CNKSR3: variants seen among roughly 807,000 people sequenced by gnomAD.
CNKSR3 encodes CNKSR family member 3, also known as connector enhancer of kinase suppressor of ras 3.
CNKSR3 carries 36 observed loss-of-function variants against 67.7 expected under a neutral mutation model. That is an observed-to-expected ratio of 0.53 (90% CI 0.41 to 0.70). CNKSR3 has a LOEUF of 0.70. Ranked by LOEUF, CNKSR3 falls within the 30% of genes least tolerant of loss-of-function variation. The pLI is 0.00. For missense variants in CNKSR3, 630 were observed against 695.2 expected (o/e 0.91, Z 1.05); for synonymous variants, 281 against 271.4 (o/e 1.04, Z -0.35).
chr6:154,448,434 C>CA (rs56872694), intron 2 of CNKSR3, among the ~76,000 whole-genome samples: 91,811 of 121,582 alleles, frequency 0.76, 33,736 homozygotes, highest in Admixed American at 0.8. Flanking sequence ...CACGTTTGTA[C>CA]AAAAAAAAAA....
At chr6:154,465,140 C>CAAA (rs59986165) in intron 1 of CNKSR3, among the ~76,000 whole-genome samples, 14 of 69,048 alleles carry the variant, frequency 2.0e-4, no homozygotes, top group African/African-American at 3.9e-4. Flanking sequence ...GATTCTGTCT[C>CAAA]AAAAAAAAAA....
chr6:154,432,987 G>A (rs979806936), intron 5 of CNKSR3, among the ~76,000 whole-genome samples: 8 of 152,294 alleles, frequency 5.3e-5, no homozygotes, highest in Non-Finnish European at 1.2e-4. Flanking sequence ...AACATCAGTA[G>A]GAGGAAGGCC....
intron 1 of CNKSR3, among the ~76,000 whole-genome samples, chr6:154,505,752 G>A (rs1010926615): frequency 3.4e-5 from 5 of 148,422 alleles, no homozygotes; most frequent in African/African-American, 4.9e-5. Flanking sequence ...CGCCCACCTC[G>A]GCCTCCCAAA....
chr6:154,403,504 T>G lies in CNKSR3; in HGVS notation c.*2850A>C, dbSNP rs1191958507. 1 of 152,154 alleles carries G rather than the reference T, an allele frequency of 6.6e-6. No individual in the cohort carries two copies. The highest frequency in any genetic ancestry group is 1.5e-5 in the Non-Finnish European group (1 of 68,038). The allele number at this position is 152,154 out of a possible 1,614,324, so 9.4% of individuals were successfully genotyped here. On this transcript the variant is annotated 3_prime_UTR_variant, in exon 13 of 13. Coordinates refer to ENST00000607772, the MANE Select transcript of CNKSR3 (RefSeq NM_173515.4). Reference sequence around the variant, plus strand: ...TCATATGTGAACACACGTCCACAATTAAACCTGGATTACTACTGAGGCAAG... The same window carrying G: ...TCATATGTGAACACACGTCCACAATGAAACCTGGATTACTACTGAGGCAAG...
chr6:154,502,534 C>T (rs2114661071), intron 1 of CNKSR3, among the ~76,000 whole-genome samples: 1 of 152,200 alleles, frequency 6.6e-6, no homozygotes, highest in East Asian at 1.9e-4. Context: ...TAGAAGGCAC[C>T]ACCTGGATAG....
intron 3 of CNKSR3, 102 bp downstream of exon 3, chr6:154,441,986 G>T: frequency 8.8e-7 from 1 of 1,130,146 alleles, no homozygotes; most frequent in East Asian, 2.5e-5. Flanking sequence ...AAAATGATAT[G>T]AAAAGAACAA....
At chr6:154,501,681 C>T (rs1307536624) in intron 1 of CNKSR3, among the ~76,000 whole-genome samples, 1 of 152,108 alleles carries the variant, frequency 6.6e-6, no homozygotes, top group Non-Finnish European at 1.5e-5. Context: ...AAGGAGTCCC[C>T]CACCCAGTCC....
At chr6:154,470,186 TC>T (rs781171856) in intron 1 of CNKSR3, among the ~76,000 whole-genome samples, 1 of 103,596 alleles carries the variant, frequency 9.7e-6, no homozygotes, top group African/African-American at 4.3e-5. Flanking sequence ...CTACTTTCTT[TC>T]CTTTTTTTTT....
At position 154,402,288 on chromosome 6, in the gene CNKSR3, T is replaced by A. The variant is rs932537994; in HGVS notation, c.*4066A>T. 1 of 152,252 alleles carries A rather than the reference T, an allele frequency of 6.6e-6. No homozygotes were observed. Among genetic ancestry groups the A allele is most frequent in the Non-Finnish European group, 1.5e-5 (1 of 68,054 alleles). 9.4% of individuals were successfully genotyped at this position (152,252 alleles called of 1,614,324 possible). A position where few individuals can be genotyped will look rare whatever the true frequency, so the allele number is the denominator to read the frequency against. On this transcript the variant is annotated 3_prime_UTR_variant, in exon 13 of 13. Transcript: ENST00000607772. ...ACAGCCCTCACAACAAAGAGCTGAC[T>A]CATCAACACAACTTTCAATTGCCCC... is the stretch of plus-strand genomic sequence containing the variant.
In CNKSR3 at chr6:154,422,620, T is replaced by C; in HGVS notation, c.831A>G (p.Lys277=). The C allele has an allele frequency of 6.2e-7, 1 of 1,613,660 alleles. No homozygotes were observed. Among genetic ancestry groups the C allele is most frequent in the Non-Finnish European group, 8.5e-7 (1 of 1,180,026 alleles). ...VGWQLKNLVK[K]LRENPTGVVL... ...CAACTCCGGTGGGATTCTCTCTCAA[T>C]TTCTTCACCAGATTTTTCAGCTGCC... The change falls in exon 9 of 13, where the codon AAA becomes AAG. Residue 277 remains lysine, a synonymous_variant. Coordinates refer to ENST00000607772, the MANE Select transcript of CNKSR3 (RefSeq NM_173515.4).
chr6:154,414,159 A>T, intron 10 of CNKSR3, 140 bp downstream of exon 10: 1 of 833,568 alleles, frequency 1.2e-6, no homozygotes, highest in Non-Finnish European at 1.8e-6. Flanking sequence ...GGCTGATCAT[A>T]CTTTTAACGG....
At position 154,399,369 on chromosome 6, in the gene CNKSR3, CAG is replaced by C. The variant is rs1418115648; in HGVS notation, c.*6983_*6984del. The C allele has an allele frequency of 6.6e-6, 1 of 152,172 alleles. No homozygotes were observed. Among genetic ancestry groups the C allele is most frequent in the East Asian group, 1.9e-4 (1 of 5,190 alleles). The allele number at this position is 152,172 out of a possible 1,614,324, so 9.4% of individuals were successfully genotyped here. A position where few individuals can be genotyped will look rare whatever the true frequency, so the allele number is the denominator to read the frequency against. On this transcript the variant is annotated 3_prime_UTR_variant, in exon 13 of 13. Transcript: ENST00000607772. ...TCAACATCTCTTAAATGCTGTGTGC[CAG>C]ACTATGCGAAGAAAGGGCCTTAAAA...
At chr6:154,418,656 A>G (rs992970735) in intron 9 of CNKSR3, among the ~76,000 whole-genome samples, 1 of 152,216 alleles carries the variant, frequency 6.6e-6, no homozygotes, top group Non-Finnish European at 1.5e-5. Flanking sequence ...TAAGCATCAT[A>G]TTCTGAGAAA....
intron 4 of CNKSR3, among the ~76,000 whole-genome samples, chr6:154,435,568 G>A (rs945089999): frequency 6.6e-6 from 1 of 152,194 alleles, no homozygotes; most frequent in African/African-American, 2.4e-5. Flanking sequence ...CTCACCTCCC[G>A]CCACTGTGAA....
chr6:154,437,965 C>A (rs1203854307), intron 4 of CNKSR3, among the ~76,000 whole-genome samples: 1 of 151,986 alleles, frequency 6.6e-6, no homozygotes, highest in Non-Finnish European at 1.5e-5. Context: ...GTATTTCCTA[C>A]CACAGTCTAC....
chr6:154,458,776 A>ACACCC lies in CNKSR3; in HGVS notation c.53-8523_53-8519dup, dbSNP rs747313736. ...GATTAGCAGGCTTCCATTAGAACTG[A>ACACCC]CACCCACGCACACTACTAATTGCAG... On this transcript the variant is annotated intron_variant, in intron 1 of 12. Transcript: ENST00000607772. Among the ~76,000 whole-genome samples the ACACCC allele has an allele frequency of 8.1e-4, 124 of 152,298 alleles. 1 individual carries two copies. Among genetic ancestry groups the ACACCC allele is most frequent in the Non-Finnish European group, 1.3e-3 (88 of 68,026 alleles).
At chr6:154,444,425 C>T (rs1785664271) in intron 2 of CNKSR3, among the ~76,000 whole-genome samples, 1 of 152,162 alleles carries the variant, frequency 6.6e-6, no homozygotes, top group South Asian at 2.1e-4. Context: ...CTTTTGATTA[C>T]TCTGCTGTGT....
At chr6:154,505,809 A>G (rs776960217) in intron 1 of CNKSR3, among the ~76,000 whole-genome samples, 1 of 152,026 alleles carries the variant, frequency 6.6e-6, no homozygotes, top group Admixed American at 6.5e-5. Flanking sequence ...CAACTACACA[A>G]TTGTTGAGAG....
chr6:154,423,348 C>A (rs575424012), intron 7 of CNKSR3, among the ~76,000 whole-genome samples: 30 of 152,294 alleles, frequency 2.0e-4, no homozygotes, highest in Non-Finnish European at 3.5e-4. Flanking sequence ...ACTGCAACCT[C>A]CACTTCCTGG....
Sources: allele counts gnomAD v4.1 joint callset (sites outside exome capture counted in the v4.1 genomes callset), GRCh38; gene constraint gnomAD v4.1.1; transcripts MANE v1.5; gene names NCBI Gene and HGNC (gene_info 2026-07-23, HGNC 2026-07-21).